FCF1: variants seen among roughly 807,000 people sequenced by gnomAD.
FCF1 encodes FCF1 rRNA-processing protein, also known as rRNA-processing protein FCF1 homolog.
In FCF1, 17 loss-of-function variants were observed where a neutral mutation model predicts 32.5. The observed-to-expected ratio is 0.52, with a 90% CI of 0.36 to 0.78. The LOEUF (loss-of-function observed/expected upper bound fraction) is 0.78, where lower values mean the gene tolerates loss of function less well. Ranked by LOEUF, FCF1 falls within the 30% of genes least tolerant of loss-of-function variation. The pLI, the probability that FCF1 is intolerant of heterozygous loss-of-function variation, is 0.00. For missense variants in FCF1, 201 were observed against 241.1 expected, an observed-to-expected ratio of 0.83 and a Z score of 1.10; for synonymous variants, 84 against 78.4, an observed-to-expected ratio of 1.07 and a Z score of -0.38.
chr14:74,734,525 A>G, intron 7 of FCF1, among the ~76,000 whole-genome samples: 1 of 151,912 alleles, frequency 6.6e-6, no homozygotes, highest in East Asian at 1.9e-4. Flanking sequence ...TATTTAAAAA[A>G]AAAAAAAGCT....
chr14:74,734,552 A>AT (rs1225716075), intron 7 of FCF1, among the ~76,000 whole-genome samples: 1 of 150,294 alleles, frequency 6.7e-6, no homozygotes, highest in Non-Finnish European at 1.5e-5. Context: ...CTTCTTGGCT[A>AT]TTTTTTGTCA....
At position 74,738,038 on chromosome 14, in the gene FCF1, C is replaced by T. The variant is rs2090722594; in HGVS notation, c.*3108C>T. 1 of 149,296 alleles carries T rather than the reference C, an allele frequency of 6.7e-6. No homozygotes were observed. Among genetic ancestry groups the T allele is most frequent in the South Asian group, 2.1e-4 (1 of 4,760 alleles). 9.2% of individuals were successfully genotyped at this position (149,296 alleles called of 1,614,324 possible). A position where few individuals can be genotyped will look rare whatever the true frequency, so the allele number is the denominator to read the frequency against. ...GAGAGAGAAAAAAATTAGTTTCCTACTTCACATGATTCATAAAAATATTTC... is the reference window on the plus strand; with the variant it reads ...GAGAGAGAAAAAAATTAGTTTCCTATTTCACATGATTCATAAAAATATTTC... On this transcript the variant is annotated 3_prime_UTR_variant, in exon 8 of 8. Transcript: ENST00000341162.
chr14:74,724,895 ACT>A (rs111980344), intron 5 of FCF1, among the ~76,000 whole-genome samples: 1,798 of 151,660 alleles, frequency 0.012, 26 homozygotes, highest in African/African-American at 0.04. Flanking sequence ...ATAGAGTGAG[ACT>A]CTGTCTCAAA....
chr14:74,730,031 T>C (rs972589328), intron 5 of FCF1, among the ~76,000 whole-genome samples: 1 of 152,044 alleles, frequency 6.6e-6, no homozygotes, highest in African/African-American at 2.4e-5. Context: ...AAGTATGTGG[T>C]CAATTTTGGA....
chr14:74,732,767 T>C lies in FCF1; in HGVS notation c.402T>C (p.Cys134=). The part of the protein sequence containing the change: ...AKDPRFERLP[C]THKGTYADDC... ...ATCCAAGATTTGAACGATTACCATGTACACACAAAGGAACCTATGCAGATG... is the reference window on the plus strand; with the variant it reads ...ATCCAAGATTTGAACGATTACCATGCACACACAAAGGAACCTATGCAGATG... The change falls in exon 6 of 8, where the codon TGT becomes TGC. Residue 134 remains cysteine (C), a synonymous_variant. Coordinates refer to ENST00000341162, the MANE Select transcript of FCF1 (RefSeq NM_015962.5). 6.2e-7 allele frequency: 1 copy of C among 1,613,140 alleles called. No individual in the cohort carries two copies. Among genetic ancestry groups the C allele is most frequent in the South Asian group, 1.1e-5 (1 of 91,056 alleles).
intron 5 of FCF1, among the ~76,000 whole-genome samples, chr14:74,729,942 G>C (rs1334789345): frequency 6.6e-6 from 1 of 152,054 alleles, no homozygotes; most frequent in Admixed American, 6.6e-5. Context: ...CTGAGTTCTA[G>C]TTTGATTGCA....
intron 5 of FCF1, among the ~76,000 whole-genome samples, chr14:74,727,251 C>T (rs2090587740): frequency 6.6e-6 from 1 of 152,104 alleles, no homozygotes; most frequent in Admixed American, 6.6e-5. Flanking sequence ...TATTTCTCCA[C>T]ATCCTCTCCA....
At chr14:74,734,285 A>C in intron 7 of FCF1, 115 bp downstream of exon 7, 2 of 623,626 alleles carry the variant, frequency 3.2e-6, no homozygotes, top group South Asian at 4.5e-5. Context: ...TCAAATGTTT[A>C]CATAGTTATA....
intron 4 of FCF1, among the ~76,000 whole-genome samples, chr14:74,722,583 T>G (rs920058212): frequency 1.3e-5 from 2 of 152,246 alleles, no homozygotes; most frequent in South Asian, 2.1e-4. Context: ...AATTTTTATG[T>G]GATCAGATTT....
At chr14:74,720,161 T>C (rs2090481432) in intron 4 of FCF1, among the ~76,000 whole-genome samples, 1 of 152,176 alleles carries the variant, frequency 6.6e-6, no homozygotes, top group Admixed American at 6.5e-5. Flanking sequence ...CCTGTATTAT[T>C]TTTTGCTTTA....
intron 5 of FCF1, 65 bp downstream of exon 5, chr14:74,723,409 T>C: frequency 8.3e-7 from 1 of 1,206,084 alleles, no homozygotes; most frequent in Non-Finnish European, 1.2e-6. Context: ...GTTTGTTGTT[T>C]AAAGATTTCT....
chr14:74,721,302 C>G (rs927937533), intron 4 of FCF1, among the ~76,000 whole-genome samples: 1 of 152,140 alleles, frequency 6.6e-6, no homozygotes, highest in African/African-American at 2.4e-5. Context: ...CTGCCTTGGC[C>G]TCCCAAAGTG....
chr14:74,724,614 G>A (rs2090550958), intron 5 of FCF1, among the ~76,000 whole-genome samples: 2 of 152,284 alleles, frequency 1.3e-5, no homozygotes, highest in South Asian at 4.1e-4. Context: ...TGTAACAGAA[G>A]AAACTATAGG....
chr14:74,714,852 A>C lies in FCF1; in HGVS notation c.72-20A>C. The C allele has an allele frequency of 6.5e-7, 1 of 1,549,156 alleles. No homozygotes were observed. ...TGGTTTTTCTTCTCCCTTGGATTTA[A>C]TTTACCTTTTTCTTCCTAGTAAAGA... On this transcript the variant is annotated intron_variant, in intron 2 of 7. Transcript: ENST00000341162.
At chr14:74,719,129 C>CAAAAAA (rs1167421434) in intron 4 of FCF1, among the ~76,000 whole-genome samples, 1 of 34,302 alleles carries the variant, frequency 2.9e-5, no homozygotes, top group African/African-American at 1.3e-4. Flanking sequence ...GACTCTGTCT[C>CAAAAAA]AAAAAAAAAA....
intron 5 of FCF1, among the ~76,000 whole-genome samples, chr14:74,724,130 A>T (rs932592574): frequency 1.3e-5 from 2 of 152,226 alleles, no homozygotes; most frequent in Admixed American, 6.5e-5. Context: ...TAAATTGGTC[A>T]TCACTTTGGA....
intron 4 of FCF1, 90 bp from the exon 5 acceptor site, chr14:74,723,182 T>C (rs1008112757): frequency 2.5e-5 from 23 of 905,978 alleles, no homozygotes; most frequent in Non-Finnish European, 4.2e-5. Context: ...AAAAGTGTCC[T>C]GGGTCTTTTT....
rs565070920 is a variant in FCF1 at position 74,729,085 on chromosome 14, C to A, written c.366-3646C>A. 1.4e-4 allele frequency among the ~76,000 whole-genome samples: 21 copies of A among 152,144 alleles called. 1 individual carries two copies. The highest frequency in any genetic ancestry group is 4.1e-4 in the African/African-American group (17 of 41,500). On this transcript the variant is annotated intron_variant, in intron 5 of 7. Coordinates refer to ENST00000341162, the MANE Select transcript of FCF1 (RefSeq NM_015962.5). ...TCTCTTTTTTGGTTGTGTCTCTGCC[C>A]GGCTTTGGTATCAGGATGATGCTGG...
At position 74,729,582 on chromosome 14, in the gene FCF1, T is replaced by C. The variant is rs7156890; in HGVS notation, c.366-3149T>C. ...CTGGATTCATTAATTTTTTGAAGGG[T>C]TTTTTGTGTCTCTATTTCCTTCAGT... On this transcript the variant is annotated intron_variant, in intron 5 of 7. Transcript: ENST00000341162. Among the ~76,000 whole-genome samples the C allele has an allele frequency of 7.2e-5, 11 of 152,250 alleles. No individual in the cohort carries two copies. The East Asian group carries it at 1.7e-3, about 24-fold the overall frequency.
Sources: allele counts gnomAD v4.1 joint callset (sites outside exome capture counted in the v4.1 genomes callset), GRCh38; gene constraint gnomAD v4.1.1; transcripts MANE v1.5; gene names NCBI Gene and HGNC (gene_info 2026-07-23, HGNC 2026-07-21).